The following CCDC68 variants were observed in gnomAD, a reference collection of about 807,000 sequenced individuals.
CCDC68 encodes coiled-coil domain containing 68.
CCDC68 carries 45 observed loss-of-function variants against 47.1 expected under a neutral mutation model. The ratio of observed to expected loss-of-function variants is 0.96; its 90% CI spans 0.75 to 1.23. The LOEUF (loss-of-function observed/expected upper bound fraction) is 1.23. Among genes scored for constraint, CCDC68 ranks in the 50% most tolerant of loss-of-function variants. The pLI is 0.00. For missense variants in CCDC68, 353 were observed against 373.6 expected (o/e 0.94, Z 0.45); for synonymous variants, 131 against 129.5 (o/e 1.01, Z -0.08).
At chr18:54,924,032 G>A (rs2044105884) in intron 8 of CCDC68, among the ~76,000 whole-genome samples, 1 of 152,042 alleles carries the variant, frequency 6.6e-6, no homozygotes, top group Non-Finnish European at 1.5e-5. Context: ...AGCAAAACTG[G>A]AGGAAGAAAA....
At chr18:54,931,106 G>A (rs1256290970) in intron 7 of CCDC68, among the ~76,000 whole-genome samples, 1 of 152,050 alleles carries the variant, frequency 6.6e-6, no homozygotes, top group Non-Finnish European at 1.5e-5. Flanking sequence ...GTAGGGTGAG[G>A]GAAAATAGTG....
intron 8 of CCDC68, among the ~76,000 whole-genome samples, chr18:54,927,708 T>C (rs1359941067): frequency 1.3e-5 from 2 of 152,250 alleles, no homozygotes; most frequent in African/African-American, 4.8e-5. Context: ...TCTCTTGGGC[T>C]ATATGTTTGT....
intron 7 of CCDC68, among the ~76,000 whole-genome samples, chr18:54,929,209 T>A (rs1041381047): frequency 6.6e-6 from 1 of 152,164 alleles, no homozygotes; most frequent in African/African-American, 2.4e-5. Flanking sequence ...CCTGCCCATC[T>A]CTCGCTAGAC....
At chr18:54,931,291 G>A (rs553556234) in intron 7 of CCDC68, among the ~76,000 whole-genome samples, 14 of 152,124 alleles carry the variant, frequency 9.2e-5, no homozygotes, top group African/African-American at 2.9e-4. Flanking sequence ...ACCAGATAGC[G>A]CTTCTCAGGC....
intron 10 of CCDC68, among the ~76,000 whole-genome samples, chr18:54,913,026 C>A (rs1208062529): frequency 6.6e-6 from 1 of 152,104 alleles, no homozygotes; most frequent in Admixed American, 6.6e-5. Flanking sequence ...GAGGACACAG[C>A]CAAACCATAT....
intron 6 of CCDC68, 33 bp downstream of exon 6, chr18:54,936,800 A>G (rs1472629600): frequency 6.2e-7 from 1 of 1,613,174 alleles, no homozygotes; most frequent in Non-Finnish European, 8.5e-7. Context: ...GGTGGGGGCT[A>G]GTTCTCCAAT....
At chr18:54,951,909 A>G (rs188296206) in intron 1 of CCDC68, among the ~76,000 whole-genome samples, 159 of 152,354 alleles carry the variant, frequency 1.0e-3, no homozygotes, top group African/African-American at 3.8e-3. Flanking sequence ...CCTAAGCCTC[A>G]GTTCCTCAAC....
chr18:54,928,868 T>C lies in CCDC68; in HGVS notation c.615A>G (p.Leu205=), dbSNP rs1479313157. The change falls in exon 8 of 12, where the codon CTA becomes CTG. Residue 205 remains leucine (L), a synonymous_variant. Coordinates refer to ENST00000591504, the MANE Select transcript of CCDC68 (RefSeq NM_025214.3). ...VQRMEKEKRT[L]LERKLSLENK... is the part of the protein sequence containing the mutation. ...TTTCCAAAGACAGTTTTCTTTCTAG[T>C]AGTGTTCTCTTTTCCTAGGAGAAAA... 11 of 1,605,182 alleles carry C rather than the reference T, an allele frequency of 6.9e-6. No homozygotes were observed. The highest frequency in any genetic ancestry group is 1.7e-5 in the Admixed American group (1 of 59,996).
At chr18:54,938,269 C>T (rs1168995694) in intron 4 of CCDC68, among the ~76,000 whole-genome samples, 172 bp from the exon 5 acceptor site, 2 of 152,176 alleles carry the variant, frequency 1.3e-5, no homozygotes, top group African/African-American at 4.8e-5. Context: ...CAGTTGACTT[C>T]TAATTTGCTG....
chr18:54,950,897 CTTTTTTTTTTTTTTTT>C (rs869026740), intron 1 of CCDC68, among the ~76,000 whole-genome samples: 1 of 61,946 alleles, frequency 1.6e-5, no homozygotes, highest in Admixed American at 2.8e-4. Context: ...ATTCAGATGT[CTTTTTTTTTTTTTTTT>C]TTTTTTTTTT....
chr18:54,906,242 C>T (rs976801715), intron 11 of CCDC68, among the ~76,000 whole-genome samples: 2 of 152,044 alleles, frequency 1.3e-5, no homozygotes, highest in African/African-American at 4.8e-5. Context: ...GAATTTCTAT[C>T]AAAAATCACA....
In CCDC68 at chr18:54,934,966, G is replaced by C. The variant is rs755133431; in HGVS notation, c.472-18C>G. On this transcript the variant is annotated intron_variant, in intron 6 of 11. Coordinates refer to ENST00000591504, the MANE Select transcript of CCDC68 (RefSeq NM_025214.3). The stretch of plus-strand genomic sequence containing the variant: ...TTGTTAACCTATGGTCAGAGAATCA[G>C]TTGTGTTGTGAAAACTCTGTTTTTC... 4 of 1,550,454 alleles carry C rather than the reference G, an allele frequency of 2.6e-6. No homozygotes were observed. The highest frequency in any genetic ancestry group is 4.1e-5 in the Admixed American group (2 of 49,326).
chr18:54,910,667 C>A (rs1263218102), intron 10 of CCDC68, among the ~76,000 whole-genome samples: 1 of 152,220 alleles, frequency 6.6e-6, no homozygotes. Context: ...CCAAGGGGCA[C>A]CTTCAGGCCA....
intron 9 of CCDC68, 41 bp from the exon 10 acceptor site, chr18:54,918,037 C>A: frequency 1.2e-6 from 1 of 831,516 alleles, no homozygotes; most frequent in South Asian, 1.6e-5. Context: ...CTTGTCAGAC[C>A]ACAGGAAATA....
intron 4 of CCDC68, among the ~76,000 whole-genome samples, 174 bp from the exon 5 acceptor site, chr18:54,938,271 A>C (rs983652810): frequency 4.6e-5 from 7 of 152,210 alleles, no homozygotes; most frequent in African/African-American, 1.7e-4. Flanking sequence ...GTTGACTTCT[A>C]ATTTGCTGAA....
In CCDC68 at chr18:54,941,063, C is replaced by G. The variant is rs1476129545; in HGVS notation, c.138G>C (p.Lys46Asn). The G allele has an allele frequency of 6.2e-7, 1 of 1,612,162 alleles. No homozygotes were observed. Among genetic ancestry groups the G allele is most frequent in the Non-Finnish European group, 8.5e-7 (1 of 1,178,746 alleles). ...CATCTTTAAACATCTGGGTCCTGAT[C>G]TTTTGCAGAGTAGTTCGAATCTAGA... ...YVKKIRTTLQ[K>N]IRTQMFKDEI... Residue 46 changes from lysine (K) to asparagine (N), a missense_variant, in exon 4 of 12, where the codon AAG becomes AAC. Lys to Asn is a moderately conservative substitution (Grantham distance 94, BLOSUM62 0). Transcript: ENST00000591504.
chr18:54,937,785 T>G (rs990217462), intron 5 of CCDC68, 172 bp downstream of exon 5: 6 of 480,260 alleles, frequency 1.2e-5, no homozygotes, highest in African/African-American at 2.0e-5. Flanking sequence ...AATAAAACAG[T>G]GAGATATGAT....
At chr18:54,958,186 C>G (rs940429954) in intron 1 of CCDC68, 1 of 152,194 alleles carries the variant, frequency 6.6e-6, no homozygotes, top group East Asian at 1.9e-4. Flanking sequence ...TGTTTTCATT[C>G]TTTCTGCAAA....
intron 4 of CCDC68, among the ~76,000 whole-genome samples, chr18:54,938,571 C>T (rs1001562220): frequency 1.3e-5 from 2 of 152,222 alleles, no homozygotes; most frequent in African/African-American, 4.8e-5. Context: ...AACTGAATGA[C>T]ACTGCCATTA....
Sources: gnomAD v4.1 joint callset for allele counts (sites outside exome capture counted in the v4.1 genomes callset) on GRCh38, gnomAD v4.1.1 for gene constraint, MANE v1.5 for transcripts, NCBI Gene and HGNC (gene_info 2026-07-23, HGNC 2026-07-21) for gene names.